The following TNFSF4 variants were observed in gnomAD, a reference collection of about 807,000 sequenced individuals.
TNFSF4 encodes tumor necrosis factor ligand superfamily member 4.
Under a neutral mutation model 7.3 loss-of-function variants are expected in TNFSF4, and 4 were observed. The observed-to-expected ratio is 0.55, with a 90% confidence interval of 0.27 to 1.25. The LOEUF (loss-of-function observed/expected upper bound fraction) is 1.25. Ranked by LOEUF, TNFSF4 falls within the 50% of genes most tolerant of loss-of-function variation. The pLI, the probability that TNFSF4 is intolerant of heterozygous loss-of-function variation, is 0.12. For missense variants in TNFSF4, 181 were observed against 208.8 expected (o/e 0.87, Z 0.82); for synonymous variants, 76 against 83.7 (o/e 0.91, Z 0.50).
chr1:173,433,358 A>G, the TNFSF4 span, among the ~76,000 whole-genome samples: 1 of 151,914 alleles, frequency 6.6e-6, no homozygotes, highest in Non-Finnish European at 1.5e-5. Flanking sequence ...CAATAATTCT[A>G]CCCCCGAACA....
the TNFSF4 span, among the ~76,000 whole-genome samples, chr1:173,375,479 T>C: frequency 1.3e-5 from 2 of 152,210 alleles, no homozygotes; most frequent in Admixed American, 1.3e-4. Flanking sequence ...GGAACTTTTC[T>C]GTCTTACAAG....
chr1:173,253,869 A>G, the TNFSF4 span, among the ~76,000 whole-genome samples: 43 of 152,332 alleles, frequency 2.8e-4, no homozygotes, highest in African/African-American at 9.9e-4. Context: ...TAGGACGTGT[A>G]TGCAGTAGAT....
At chr1:173,208,005 C>G (rs1267744278), upstream of TNFSF4, among the ~76,000 whole-genome samples, 2 of 152,142 alleles carry the variant, frequency 1.3e-5, no homozygotes, top group Non-Finnish European at 2.9e-5. Context: ...TCCTTTCCTT[C>G]CACTTCACAT....
the TNFSF4 span, among the ~76,000 whole-genome samples, chr1:173,240,247 C>A: frequency 6.6e-6 from 1 of 152,160 alleles, no homozygotes; most frequent in Admixed American, 6.5e-5. Context: ...CATTATCAGT[C>A]AAGGTAGGGC....
At chr1:173,258,081 T>C in the TNFSF4 span, among the ~76,000 whole-genome samples, 2 of 151,928 alleles carry the variant, frequency 1.3e-5, no homozygotes, top group Non-Finnish European at 2.9e-5. Flanking sequence ...AGGTTAGCAG[T>C]TATCTCCCGG....
the TNFSF4 span, among the ~76,000 whole-genome samples, chr1:173,379,396 T>C: frequency 1.3e-5 from 2 of 151,952 alleles, no homozygotes; most frequent in Non-Finnish European, 2.9e-5. Context: ...AAGCAGATCA[T>C]TGAATTATTC....
At chr1:173,173,419 A>T in the TNFSF4 span, among the ~76,000 whole-genome samples, 2 of 152,232 alleles carry the variant, frequency 1.3e-5, no homozygotes, top group African/African-American at 4.8e-5. Flanking sequence ...CACTGGATAA[A>T]TGCACCCATT....
At chr1:173,414,991 C>T in the TNFSF4 span, among the ~76,000 whole-genome samples, 1 of 152,198 alleles carries the variant, frequency 6.6e-6, no homozygotes, top group Non-Finnish European at 1.5e-5. Context: ...TTCTCTCACC[C>T]TCAACATCCA....
At chr1:173,241,342 A>AC in the TNFSF4 span, among the ~76,000 whole-genome samples, 3 of 152,090 alleles carry the variant, frequency 2.0e-5, no homozygotes, top group South Asian at 4.2e-4. Flanking sequence ...AAATCCTGTG[A>AC]CCCCCCTGAT....
the TNFSF4 span, among the ~76,000 whole-genome samples, chr1:173,392,696 G>T: frequency 1.6e-4 from 24 of 152,232 alleles, no homozygotes; most frequent in African/African-American, 5.3e-4. Context: ...CTTCAGATTA[G>T]ACAAACAATA....
the TNFSF4 span, among the ~76,000 whole-genome samples, chr1:173,396,033 C>A: frequency 6.6e-6 from 1 of 152,148 alleles, no homozygotes; most frequent in Non-Finnish European, 1.5e-5. Context: ...GCTGATTCAC[C>A]TCAGGACCCA....
chr1:173,322,167 G>T, the TNFSF4 span, among the ~76,000 whole-genome samples: 8 of 152,098 alleles, frequency 5.3e-5, no homozygotes, highest in Admixed American at 2.0e-4. Context: ...CCTTTGCAGG[G>T]GTGTGGATGA....
At chr1:173,349,232 G>A in the TNFSF4 span, among the ~76,000 whole-genome samples, 43 of 152,122 alleles carry the variant, frequency 2.8e-4, no homozygotes, top group African/African-American at 1.0e-3. Context: ...GTTTCACCAC[G>A]TTAGCCAGGA....
At chr1:173,202,149 G>A (rs950287433) in intron 1 of TNFSF4, among the ~76,000 whole-genome samples, 2 of 151,930 alleles carry the variant, frequency 1.3e-5, no homozygotes, top group African/African-American at 4.8e-5. Flanking sequence ...ACAAGGCTGG[G>A]TCTACTCAGT....
the TNFSF4 span, among the ~76,000 whole-genome samples, chr1:173,349,271 G>A: frequency 4.6e-5 from 7 of 151,976 alleles, no homozygotes; most frequent in Admixed American, 1.3e-4. Context: ...CTCATGATCT[G>A]CCCGCCTCGG....
At chr1:173,309,045 T>A in the TNFSF4 span, among the ~76,000 whole-genome samples, 3 of 152,024 alleles carry the variant, frequency 2.0e-5, no homozygotes, top group African/African-American at 7.2e-5. Context: ...CAATGTCACA[T>A]GCTAGAAGAT....
chr1:173,351,402 T>C, the TNFSF4 span, among the ~76,000 whole-genome samples: 1 of 152,230 alleles, frequency 6.6e-6, no homozygotes, highest in Admixed American at 6.5e-5. Flanking sequence ...ACAACATTTC[T>C]CACACATCTA....
At chr1:173,263,601 T>C in the TNFSF4 span, among the ~76,000 whole-genome samples, 2 of 152,192 alleles carry the variant, frequency 1.3e-5, no homozygotes, top group African/African-American at 2.4e-5. Context: ...GGGAAGTAAA[T>C]CCAAAAGGCT....
At chr1:173,252,308 T>C in the TNFSF4 span, among the ~76,000 whole-genome samples, 8 of 152,304 alleles carry the variant, frequency 5.3e-5, no homozygotes, top group East Asian at 1.5e-3. Context: ...AATAATTATG[T>C]TGGAAGAACG....
Sources: allele counts gnomAD v4.1 joint callset (sites outside exome capture counted in the v4.1 genomes callset), GRCh38; gene constraint gnomAD v4.1.1; transcripts MANE v1.5; gene names NCBI Gene and HGNC (gene_info 2026-07-23, HGNC 2026-07-21).